The following OPCML variants were observed in gnomAD, a reference collection of about 807,000 sequenced individuals.
OPCML encodes the protein opioid-binding protein/cell adhesion molecule.
OPCML carries 13 observed loss-of-function variants against 37.8 expected under a neutral mutation model. The observed-to-expected ratio is 0.34, with a 90% CI of 0.22 to 0.55. The LOEUF (loss-of-function observed/expected upper bound fraction) is 0.55, where lower values mean the gene tolerates loss of function less well. OPCML is among the 20% of genes least tolerant of loss of function. OPCML has a pLI of 0.91. For missense variants in OPCML, 341 were observed against 435.6 expected, an observed-to-expected ratio of 0.78 and a Z score of 1.93; for synonymous variants, 176 against 168.8, an observed-to-expected ratio of 1.04 and a Z score of -0.33.
At chr11:133,113,384 G>A (rs1472109776) in intron 1 of OPCML, among the ~76,000 whole-genome samples, 1 of 152,118 alleles carries the variant, frequency 6.6e-6, no homozygotes, top group Non-Finnish European at 1.5e-5. Flanking sequence ...TTTTAGCCCT[G>A]GGGGTTTTGA....
intron 1 of OPCML, chr11:133,439,398 T>C: frequency 1.0e-6 from 1 of 985,224 alleles, no homozygotes; most frequent in South Asian, 4.7e-5. Flanking sequence ...AAATTCCGTC[T>C]GTTTCAGGGA....
intron 4 of OPCML, among the ~76,000 whole-genome samples, chr11:132,492,513 TGTTGTTGTC>T (rs1380658877): frequency 1.3e-5 from 2 of 152,006 alleles, no homozygotes; most frequent in Non-Finnish European, 2.9e-5. Context: ...TTGTTGTCAT[TGTTGTTGTC>T]GTTGTTGTTG....
At chr11:132,659,500 C>A (rs990977287) in intron 2 of OPCML, among the ~76,000 whole-genome samples, 1 of 152,172 alleles carries the variant, frequency 6.6e-6, no homozygotes, top group Admixed American at 6.5e-5. Flanking sequence ...ATGTTCCAGT[C>A]GCTTCTAGTT....
At chr11:132,788,656 C>T (rs1055050228) in intron 2 of OPCML, among the ~76,000 whole-genome samples, 1 of 152,204 alleles carries the variant, frequency 6.6e-6, no homozygotes, top group Non-Finnish European at 1.5e-5. Flanking sequence ...AGGCACTTAA[C>T]TAAGGACTAC....
At chr11:133,087,629 T>G (rs967332173) in intron 1 of OPCML, among the ~76,000 whole-genome samples, 4 of 152,236 alleles carry the variant, frequency 2.6e-5, no homozygotes, top group Non-Finnish European at 5.9e-5. Context: ...CCGAGAGAGA[T>G]ATTTAGCCAA....
intron 1 of OPCML, among the ~76,000 whole-genome samples, chr11:133,151,744 A>C (rs776120733): frequency 2.0e-4 from 31 of 152,038 alleles, no homozygotes; most frequent in Non-Finnish European, 4.3e-4. Flanking sequence ...CTATCACGGG[A>C]TCAGTTAGGG....
chr11:133,475,661 A>G (rs1212950698), intron 1 of OPCML, among the ~76,000 whole-genome samples: 1 of 152,182 alleles, frequency 6.6e-6, no homozygotes, highest in Non-Finnish European at 1.5e-5. Context: ...TTAGGTTGAG[A>G]AAATAAGAGA....
intron 2 of OPCML, among the ~76,000 whole-genome samples, chr11:132,838,598 A>G (rs1454464099): frequency 1.3e-5 from 2 of 152,220 alleles, no homozygotes; most frequent in African/African-American, 2.4e-5. Flanking sequence ...GCATAATTTT[A>G]TTTCTGATAT....
chr11:132,619,733 T>A (rs1939283381), intron 3 of OPCML, among the ~76,000 whole-genome samples: 1 of 149,576 alleles, frequency 6.7e-6, no homozygotes, highest in African/African-American at 2.5e-5. Context: ...GCGCCTGTAG[T>A]CCCAGCTACT....
At chr11:132,722,028 T>C (rs1461039865) in intron 2 of OPCML, among the ~76,000 whole-genome samples, 1 of 137,214 alleles carries the variant, frequency 7.3e-6, no homozygotes, top group Non-Finnish European at 1.5e-5. Context: ...TGATCTCGGC[T>C]CACTGCAAGC....
intron 1 of OPCML, among the ~76,000 whole-genome samples, chr11:133,373,388 C>A (rs920902822): frequency 1.4e-5 from 2 of 145,470 alleles, no homozygotes; most frequent in African/African-American, 2.5e-5. Context: ...TGCGGTGAAA[C>A]CCTGTCTCTA....
chr11:132,520,182 C>T (rs935563754), intron 4 of OPCML, among the ~76,000 whole-genome samples: 22 of 152,032 alleles, frequency 1.4e-4, no homozygotes, highest in African/African-American at 5.1e-4. Flanking sequence ...CCTTGGGTGC[C>T]CCAGATAACA....
chr11:132,568,233 CAT>C (rs2096429051), intron 3 of OPCML, among the ~76,000 whole-genome samples: 1 of 152,102 alleles, frequency 6.6e-6, no homozygotes, highest in Non-Finnish European at 1.5e-5. Flanking sequence ...TAATCAGTAA[CAT>C]ACACAAAGTC....
intron 2 of OPCML, among the ~76,000 whole-genome samples, chr11:132,783,790 T>C (rs1947111675): frequency 6.6e-6 from 1 of 152,182 alleles, no homozygotes; most frequent in African/African-American, 2.4e-5. Flanking sequence ...AAGTACAACC[T>C]TACCCTAGAC....
chr11:133,031,535 T>TTGGA (rs1168297984), intron 1 of OPCML, among the ~76,000 whole-genome samples: 1 of 148,260 alleles, frequency 6.7e-6, no homozygotes, highest in African/African-American at 2.5e-5. Context: ...GGATGGATGG[T>TTGGA]TGGATGGATG....
rs187415780 is a variant in OPCML at position 132,787,944 on chromosome 11, A to G, written c.147-130625T>C. On this transcript the variant is annotated intron_variant, in intron 2 of 7. Coordinates refer to ENST00000524381, the MANE Select transcript of OPCML (RefSeq NM_001012393.5). ...TCACCAGGCTGGTGTGCAGTGGTGCAATCTCGGCTCACTGCAACCTCCGCC... is the reference window on the plus strand; with the variant it reads ...TCACCAGGCTGGTGTGCAGTGGTGCGATCTCGGCTCACTGCAACCTCCGCC... Among the ~76,000 whole-genome samples, 501 of 152,266 alleles carry G rather than the reference A, an allele frequency of 3.3e-3. 5 individuals carry two copies. Among genetic ancestry groups the G allele is most frequent in the African/African-American group, 0.011 (443 of 41,548 alleles).
intron 2 of OPCML, among the ~76,000 whole-genome samples, chr11:132,751,724 C>T (rs1302905006): frequency 6.6e-6 from 1 of 152,176 alleles, no homozygotes; most frequent in Non-Finnish European, 1.5e-5. Flanking sequence ...CAAGTTCCGT[C>T]GGCATCCAAA....
chr11:132,489,201 C>CA (rs1292837744), intron 4 of OPCML, among the ~76,000 whole-genome samples: 1 of 152,072 alleles, frequency 6.6e-6, no homozygotes, highest in African/African-American at 2.4e-5. Context: ...CCTAGACCTA[C>CA]ACAGGGTCAG....
chr11:133,198,661 AC>A (rs1169181476), intron 1 of OPCML, among the ~76,000 whole-genome samples: 2 of 152,222 alleles, frequency 1.3e-5, no homozygotes, highest in East Asian at 3.9e-4. Context: ...CAGGACTAGT[AC>A]TAGCATGTGG....
Sources: gnomAD v4.1 joint callset for allele counts (sites outside exome capture counted in the v4.1 genomes callset) on GRCh38, gnomAD v4.1.1 for gene constraint, MANE v1.5 for transcripts, NCBI Gene and HGNC (gene_info 2026-07-23, HGNC 2026-07-21) for gene names.